The following TRAPPC9 variants were observed in gnomAD, a reference collection of about 807,000 sequenced individuals.
TRAPPC9 encodes the protein IKK2 binding protein.
A neutral mutation model predicts 124.0 loss-of-function variants in TRAPPC9; 83 were observed. The observed-to-expected ratio is 0.67, with a 90% CI of 0.56 to 0.80. The LOEUF is 0.80. Among genes scored for constraint, TRAPPC9 ranks in the 30% least tolerant of loss-of-function variants. TRAPPC9 has a pLI of 0.00. For missense variants in TRAPPC9, 1,302 were observed against 1,508.3 expected (o/e 0.86, Z 2.27); for synonymous variants, 638 against 617.5 (o/e 1.03, Z -0.49).
intron 19 of TRAPPC9, among the ~76,000 whole-genome samples, chr8:139,981,277 G>C (rs534343499): frequency 6.6e-6 from 1 of 152,168 alleles, no homozygotes; most frequent in East Asian, 1.9e-4. Context: ...CCTCTGCCAC[G>C]GGCTCACTAA....
chr8:140,043,007 G>C (rs570615169), intron 17 of TRAPPC9, among the ~76,000 whole-genome samples: 1 of 152,118 alleles, frequency 6.6e-6, no homozygotes, highest in Non-Finnish European at 1.5e-5. Context: ...CTGTTTTTCA[G>C]CTCGACTGGC....
At chr8:140,194,934 T>C (rs190607293) in intron 17 of TRAPPC9, among the ~76,000 whole-genome samples, 1 of 151,776 alleles carries the variant, frequency 6.6e-6, no homozygotes, top group East Asian at 2.0e-4. Flanking sequence ...CCTGTGACAC[T>C]AAAACACATT....
chr8:140,287,481 C>T (rs1202782673), intron 13 of TRAPPC9, 127 bp downstream of exon 13: 2 of 1,311,362 alleles, frequency 1.5e-6, no homozygotes, highest in Non-Finnish European at 2.2e-6. Flanking sequence ...CCCAAAGAGA[C>T]AAGGTCTTCA....
intron 21 of TRAPPC9, among the ~76,000 whole-genome samples, chr8:139,761,633 G>A (rs1045506385): frequency 8.6e-5 from 13 of 151,998 alleles, no homozygotes; most frequent in Admixed American, 2.0e-4. Flanking sequence ...TGCTCGTGGC[G>A]TGCTGTCAAC....
intron 19 of TRAPPC9, among the ~76,000 whole-genome samples, chr8:139,950,387 G>A (rs971723258): frequency 2.0e-5 from 3 of 152,228 alleles, no homozygotes; most frequent in Admixed American, 6.5e-5. Context: ...TGGTTCTCGC[G>A]AATTCAAGGC....
intron 7 of TRAPPC9, among the ~76,000 whole-genome samples, chr8:140,372,735 C>T (rs2068317654): frequency 6.6e-6 from 1 of 152,222 alleles, no homozygotes; most frequent in South Asian, 2.1e-4. Flanking sequence ...TGTGAGAACA[C>T]AGAGAAAAGA....
At chr8:140,375,399 A>C (rs144384419) in intron 7 of TRAPPC9, among the ~76,000 whole-genome samples, 1 of 152,178 alleles carries the variant, frequency 6.6e-6, no homozygotes, top group Non-Finnish European at 1.5e-5. Flanking sequence ...CCAAATATTA[A>C]CTCACCATTC....
intron 7 of TRAPPC9, among the ~76,000 whole-genome samples, chr8:140,377,247 C>A (rs938444693): frequency 6.6e-6 from 1 of 152,186 alleles, no homozygotes; most frequent in African/African-American, 2.4e-5. Context: ...ACTCTGACTA[C>A]AGCTTTTCTC....
chr8:140,430,380 AC>A (rs1346454732), intron 4 of TRAPPC9, among the ~76,000 whole-genome samples: 2 of 151,736 alleles, frequency 1.3e-5, no homozygotes, highest in Non-Finnish European at 1.5e-5. Flanking sequence ...CCTCTTGCCC[AC>A]CCCCATTCCT....
chr8:139,869,868 A>C (rs1563877790), intron 21 of TRAPPC9, among the ~76,000 whole-genome samples: 1 of 152,242 alleles, frequency 6.6e-6, no homozygotes, highest in Non-Finnish European at 1.5e-5. Context: ...AAACATATCA[A>C]ACATTAAAAC....
chr8:139,728,782 C>T lies in TRAPPC9; in HGVS notation c.*2279G>A, dbSNP rs1033395456. ...GGGTTATTTCTAACACCCCCTCCTC[C>T]AAGAAGACAACTTTGCCTCCTGCCC... On this transcript the variant is annotated 3_prime_UTR_variant, in exon 23 of 23. Coordinates refer to ENST00000438773, the MANE Select transcript of TRAPPC9 (RefSeq NM_001160372.4). Among the ~76,000 whole-genome samples the T allele has an allele frequency of 6.6e-6, 1 of 152,210 alleles. No homozygotes were observed. The highest frequency in any genetic ancestry group is 2.4e-5 in the African/African-American group (1 of 41,456).
At chr8:140,040,355 T>C (rs1841187553) in intron 17 of TRAPPC9, 1 of 152,196 alleles carries the variant, frequency 6.6e-6, no homozygotes, top group Admixed American at 6.5e-5. Flanking sequence ...CCAAGGTCAG[T>C]GGTCAAGTGG....
chr8:139,944,555 C>T (rs945239451), intron 19 of TRAPPC9, among the ~76,000 whole-genome samples: 1 of 151,926 alleles, frequency 6.6e-6, no homozygotes, highest in African/African-American at 2.4e-5. Context: ...TATTGTAATC[C>T]CAACAGCAAC....
At chr8:140,453,257 T>C (rs1465659902) in intron 1 of TRAPPC9, among the ~76,000 whole-genome samples, 2 of 152,234 alleles carry the variant, frequency 1.3e-5, no homozygotes, top group African/African-American at 2.4e-5. Flanking sequence ...CATGAGCTAA[T>C]GGGGTTCAGC....
At chr8:139,869,672 T>A (rs1172044414) in intron 21 of TRAPPC9, among the ~76,000 whole-genome samples, 2 of 152,222 alleles carry the variant, frequency 1.3e-5, no homozygotes, top group Admixed American at 1.3e-4. Context: ...ACAAAAATCT[T>A]AGCACAAAGA....
chr8:140,151,172 A>G (rs1032710729), intron 17 of TRAPPC9, among the ~76,000 whole-genome samples: 1 of 152,138 alleles, frequency 6.6e-6, no homozygotes, highest in Non-Finnish European at 1.5e-5. Context: ...GGGGGCCAGG[A>G]GCACAACTCA....
intron 17 of TRAPPC9, among the ~76,000 whole-genome samples, chr8:140,028,713 C>T (rs1359137467): frequency 1.3e-5 from 2 of 152,162 alleles, no homozygotes; most frequent in East Asian, 1.9e-4. Flanking sequence ...TTGGGGCACT[C>T]GAGTCTGGTA....
At chr8:139,857,924 G>A (rs1056881470) in intron 21 of TRAPPC9, among the ~76,000 whole-genome samples, 2 of 152,180 alleles carry the variant, frequency 1.3e-5, no homozygotes, top group Non-Finnish European at 1.5e-5. Context: ...CCCAACCATC[G>A]AGCCATCAGC....
chr8:139,957,034 T>C (rs899444633), intron 19 of TRAPPC9, among the ~76,000 whole-genome samples: 3 of 152,128 alleles, frequency 2.0e-5, no homozygotes, highest in African/African-American at 7.2e-5. Context: ...GACAGCAAAA[T>C]CGCATTCCAC....
Sources: allele counts gnomAD v4.1 joint callset (sites outside exome capture counted in the v4.1 genomes callset), GRCh38; gene constraint gnomAD v4.1.1; transcripts MANE v1.5; gene names NCBI Gene and HGNC (gene_info 2026-07-23, HGNC 2026-07-21).